Variants in DCC observed in about 807,000 individuals in gnomAD.
DCC encodes netrin receptor DCC.
DCC carries 58 observed loss-of-function variants against 172.5 expected under a neutral mutation model. The ratio of observed to expected loss-of-function variants is 0.34; its 90% CI spans 0.27 to 0.42. DCC has a LOEUF of 0.42. DCC is among the 10% of genes least tolerant of loss of function. DCC has a pLI of 1.00. For missense variants in DCC, 1,740 were observed against 1,791.0 expected (o/e 0.97, Z 0.51); for synonymous variants, 709 against 644.5 (o/e 1.10, Z -1.52).
At chr18:52,674,774 GCTCC>G (rs1164904923) in intron 1 of DCC, among the ~76,000 whole-genome samples, 1 of 152,080 alleles carries the variant, frequency 6.6e-6, no homozygotes, top group Non-Finnish European at 1.5e-5. Flanking sequence ...AAATTCTAAG[GCTCC>G]CCCGCCATCT....
chr18:52,368,753 A>T (rs907437882), intron 1 of DCC, among the ~76,000 whole-genome samples: 10 of 152,072 alleles, frequency 6.6e-5, no homozygotes, highest in Admixed American at 5.9e-4. Context: ...GTTGAAAAAA[A>T]CTCTAGTCTT....
chr18:52,674,046 T>C (rs2035604253), intron 1 of DCC, among the ~76,000 whole-genome samples: 1 of 152,190 alleles, frequency 6.6e-6, no homozygotes, highest in Non-Finnish European at 1.5e-5. Context: ...GTGCAAGCCT[T>C]GCTTGTTTCA....
At chr18:52,986,662 G>A (rs1395186420) in intron 5 of DCC, among the ~76,000 whole-genome samples, 12 of 151,314 alleles carry the variant, frequency 7.9e-5, no homozygotes, top group Admixed American at 7.9e-4. Context: ...TCTAATTTCA[G>A]TAGGATTTTT....
At chr18:52,775,788 A>G (rs1471110808) in intron 2 of DCC, among the ~76,000 whole-genome samples, 1 of 152,160 alleles carries the variant, frequency 6.6e-6, no homozygotes, top group Non-Finnish European at 1.5e-5. Flanking sequence ...TCAGGCTTTT[A>G]CAGGCCCAGG....
intron 5 of DCC, among the ~76,000 whole-genome samples, chr18:53,057,185 A>C (rs2042419726): frequency 6.6e-6 from 1 of 151,836 alleles, no homozygotes; most frequent in Non-Finnish European, 1.5e-5. Context: ...ATACTATTTA[A>C]GCTGTTGATG....
At chr18:52,608,131 C>G (rs1406069210) in intron 1 of DCC, among the ~76,000 whole-genome samples, 1 of 152,090 alleles carries the variant, frequency 6.6e-6, no homozygotes, top group South Asian at 2.1e-4. Flanking sequence ...ACCCTAACCT[C>G]TCAACTTCTG....
At chr18:53,422,500 G>C (rs1910689285) in intron 21 of DCC, among the ~76,000 whole-genome samples, 1 of 152,124 alleles carries the variant, frequency 6.6e-6, no homozygotes, top group East Asian at 1.9e-4. Flanking sequence ...GCAGACTCAT[G>C]ATCTGTCATC....
intron 12 of DCC, among the ~76,000 whole-genome samples, chr18:53,292,473 G>T (rs1453284567): frequency 1.4e-4 from 22 of 152,094 alleles, no homozygotes; most frequent in Admixed American, 1.4e-3. Flanking sequence ...GATCACCTGA[G>T]GTCAGAAGTT....
chr18:53,319,125 A>G (rs977185864), intron 13 of DCC, among the ~76,000 whole-genome samples: 6 of 152,202 alleles, frequency 3.9e-5, no homozygotes, highest in African/African-American at 1.4e-4. Flanking sequence ...CTAAATATGG[A>G]AAGGAAAAAC....
chr18:53,128,870 C>CACACACATAT (rs1300738812), intron 7 of DCC, among the ~76,000 whole-genome samples: 26 of 77,448 alleles, frequency 3.4e-4, no homozygotes, highest in African/African-American at 5.0e-4. Flanking sequence ...CACACACACA[C>CACACACATAT]ATATATATAT....
intron 1 of DCC, among the ~76,000 whole-genome samples, chr18:52,580,220 G>A (rs141282533): frequency 2.0e-5 from 3 of 152,264 alleles, no homozygotes; most frequent in East Asian, 3.9e-4. Context: ...TGACCTTAAG[G>A]CCCAATCAGA....
intron 7 of DCC, among the ~76,000 whole-genome samples, chr18:53,126,329 C>T (rs1232560652): frequency 6.6e-6 from 1 of 152,060 alleles, no homozygotes; most frequent in Admixed American, 6.6e-5. Flanking sequence ...TTCTATAATG[C>T]CTCAACTCTC....
chr18:52,578,824 C>T (rs2033477942), intron 1 of DCC, among the ~76,000 whole-genome samples: 1 of 152,060 alleles, frequency 6.6e-6, no homozygotes, highest in African/African-American at 2.4e-5. Context: ...TGGTGAAACC[C>T]CATCTCTACT....
rs533070561 is a variant in DCC at position 53,001,883 on chromosome 18, A to G, written c.986-61422A>G. On this transcript the variant is annotated intron_variant, in intron 5 of 28. Transcript: ENST00000442544. ...TTTTTCTGTAGTTTAATCAACCTCC[A>G]TTGTATAAAAACTGTGTTTACAACT... Among the ~76,000 whole-genome samples, 3 of 152,228 alleles carry G rather than the reference A, an allele frequency of 2.0e-5. No homozygotes were observed. The South Asian group carries it at 6.2e-4, about 32-fold the overall frequency.
intron 2 of DCC, among the ~76,000 whole-genome samples, chr18:52,801,320 A>T (rs1427862502): frequency 6.6e-6 from 1 of 152,204 alleles, no homozygotes; most frequent in African/African-American, 2.4e-5. Flanking sequence ...AACCACAACT[A>T]CAACAGTAAC....
intron 1 of DCC, among the ~76,000 whole-genome samples, chr18:52,714,740 C>T (rs2036350017): frequency 6.6e-6 from 1 of 152,166 alleles, no homozygotes; most frequent in South Asian, 2.1e-4. Flanking sequence ...AAGGATTCTT[C>T]CAAGTTGATA....
intron 27 of DCC, among the ~76,000 whole-genome samples, chr18:53,521,724 G>T (rs1227325789): frequency 1.3e-5 from 2 of 151,958 alleles, no homozygotes; most frequent in Non-Finnish European, 2.9e-5. Flanking sequence ...CATGTGTTTG[G>T]TTACATATTA....
intron 1 of DCC, among the ~76,000 whole-genome samples, chr18:52,658,770 T>A (rs1000944787): frequency 2.0e-5 from 3 of 152,076 alleles, no homozygotes; most frequent in African/African-American, 4.8e-5. Context: ...TAAAAAAAAA[T>A]AGTCACCTGG....
At chr18:52,786,035 C>T (rs1174496462) in intron 2 of DCC, among the ~76,000 whole-genome samples, 2 of 152,060 alleles carry the variant, frequency 1.3e-5, no homozygotes, top group African/African-American at 4.8e-5. Flanking sequence ...GAAGGTGCTA[C>T]TGTTTATAGC....
Sources: gnomAD v4.1 joint callset for allele counts (sites outside exome capture counted in the v4.1 genomes callset) on GRCh38, gnomAD v4.1.1 for gene constraint, MANE v1.5 for transcripts, NCBI Gene and HGNC (gene_info 2026-07-23, HGNC 2026-07-21) for gene names.